Variants in WBP2NL observed in about 807,000 individuals in gnomAD.
WBP2NL encodes the protein postacrosomal sheath WW domain-binding protein.
A neutral mutation model predicts 23.3 loss-of-function variants in WBP2NL; 27 were observed. The observed-to-expected ratio is 1.16, with a 90% CI of 0.85 to 1.60. The LOEUF (loss-of-function observed/expected upper bound fraction) is 1.60. Ranked by LOEUF, WBP2NL falls within the 40% of genes most tolerant of loss-of-function variation. The pLI, the probability that WBP2NL is intolerant of heterozygous loss-of-function variation, is 0.00. For missense variants in WBP2NL, 370 were observed against 389.5 expected, an observed-to-expected ratio of 0.95 and a Z score of 0.42; for synonymous variants, 151 against 145.9, an observed-to-expected ratio of 1.03 and a Z score of -0.25.
intron 1 of WBP2NL, among the ~76,000 whole-genome samples, chr22:42,013,673 G>A (rs1042351804): frequency 9.9e-5 from 15 of 151,852 alleles, no homozygotes; most frequent in Non-Finnish European, 1.3e-4. Flanking sequence ...GCAGTGGCAC[G>A]ATCACAGCTC....
intron 8 of WBP2NL, among the ~76,000 whole-genome samples, chr22:42,054,762 G>A (rs1400368382): frequency 1.3e-5 from 2 of 151,628 alleles, no homozygotes; most frequent in African/African-American, 4.9e-5. Flanking sequence ...AGTGGTTCAT[G>A]CCTCTGATTC....
rs756558193 is a variant in WBP2NL at position 42,022,358 on chromosome 22, T to C, written c.514+2T>C. On this transcript the variant is annotated splice_donor_variant, in intron 5 of 5. Coordinates refer to ENST00000328823, the MANE Select transcript of WBP2NL (RefSeq NM_152613.3). LOFTEE classifies it high-confidence loss of function. ...GCACTCCACAGATGCCTTGTTCAGG[T>C]AAGGTATGGCAGAGAGGTTCTTCCT... is the stretch of plus-strand genomic sequence containing the variant. 1.3e-5 allele frequency: 21 copies of C among 1,609,252 alleles called. No individual in the cohort carries two copies. The highest frequency in any genetic ancestry group is 1.7e-5 in the Non-Finnish European group (20 of 1,177,546).
At chr22:42,031,878 T>C (rs1924970657), downstream of WBP2NL, 1 of 152,130 alleles carries the variant, frequency 6.6e-6, no homozygotes, top group Non-Finnish European at 1.5e-5. Flanking sequence ...GTGTTTTTAG[T>C]GGAGACAGGG....
chr22:42,055,742 A>G (rs1487218460), intron 8 of WBP2NL, among the ~76,000 whole-genome samples: 1 of 152,112 alleles, frequency 6.6e-6, no homozygotes, highest in African/African-American at 2.4e-5. Context: ...AATGTGTAAA[A>G]TTATATCTTT....
rs147012837 is a variant in WBP2NL at position 42,052,313 on chromosome 22, G to A, written c.*274-5977G>A. Among the ~76,000 whole-genome samples, 139 of 152,010 alleles carry A rather than the reference G, an allele frequency of 9.1e-4. 1 individual carries two copies. The Middle Eastern group carries it at 0.017, about 19-fold the overall frequency. ...TCCTCTTTTTTTTGAGATGGAGTCTGGCTCTGTCACCCAGGCTGGAGTACA... is the reference window on the plus strand; with the variant it reads ...TCCTCTTTTTTTTGAGATGGAGTCTAGCTCTGTCACCCAGGCTGGAGTACA... On this transcript the variant is annotated intron_variant and NMD_transcript_variant, in intron 8 of 8. Transcript: ENST00000436265.
intron 5 of WBP2NL, 138 bp from the exon 6 acceptor site, chr22:42,026,628 G>A: frequency 7.3e-7 from 1 of 1,368,492 alleles, no homozygotes; most frequent in Non-Finnish European, 9.9e-7. Flanking sequence ...ATAGCTAGAG[G>A]AAATAGCTTT....
chr22:42,010,390 T>G (rs1049572649), intron 1 of WBP2NL, among the ~76,000 whole-genome samples: 10 of 152,238 alleles, frequency 6.6e-5, no homozygotes, highest in Admixed American at 6.5e-4. Context: ...TTTCTAATCT[T>G]AGAGGGGAAG....
downstream of WBP2NL, among the ~76,000 whole-genome samples, chr22:42,037,419 G>A (rs920673475): frequency 6.6e-6 from 1 of 151,620 alleles, no homozygotes; most frequent in African/African-American, 2.4e-5. Flanking sequence ...AAATTGCTTT[G>A]GCTATTCAGG....
At chr22:42,049,721 AAAAAAAAAAAT>A (rs1569455154) in intron 8 of WBP2NL, among the ~76,000 whole-genome samples, 7 of 149,236 alleles carry the variant, frequency 4.7e-5, no homozygotes, top group African/African-American at 1.5e-4. Context: ...AAAAAAAAAA[AAAAAAAAAAAT>A]AGAACATTTT....
At chr22:42,031,814 G>C (rs1924966262), downstream of WBP2NL, 1 of 151,768 alleles carries the variant, frequency 6.6e-6, no homozygotes, top group Non-Finnish European at 1.5e-5. Flanking sequence ...TCCTGCTTCA[G>C]CCTCCTGAAT....
At chr22:42,054,658 T>C (rs953389610) in intron 8 of WBP2NL, among the ~76,000 whole-genome samples, 2 of 151,906 alleles carry the variant, frequency 1.3e-5, no homozygotes, top group Admixed American at 1.3e-4. Context: ...TATCTAGTTG[T>C]CCCAGTGCCA....
intron 8 of WBP2NL, among the ~76,000 whole-genome samples, chr22:42,043,326 T>C (rs936151500): frequency 6.6e-6 from 1 of 152,200 alleles, no homozygotes; most frequent in African/African-American, 2.4e-5. Flanking sequence ...TTCTCAGCAA[T>C]GCTTCCAGGT....
chr22:42,030,149 A>G (rs979243872), downstream of WBP2NL: 5 of 152,248 alleles, frequency 3.3e-5, no homozygotes, highest in Admixed American at 6.5e-5. Context: ...CATAATCTCC[A>G]AGAAGGAGAG....
downstream of WBP2NL, among the ~76,000 whole-genome samples, chr22:42,037,830 G>GGA (rs553235186): frequency 7.5e-5 from 10 of 133,894 alleles, no homozygotes; most frequent in East Asian, 4.5e-4. Context: ...GGAGGTGCGG[G>GGA]GAGAGAGAGA....
chr22:42,049,737 C>T (rs1316587962), intron 8 of WBP2NL, among the ~76,000 whole-genome samples: 1 of 121,300 alleles, frequency 8.2e-6, no homozygotes, highest in Non-Finnish European at 1.8e-5. Context: ...AAAAATAGAA[C>T]ATTTTGGCTT....
At chr22:42,004,477 C>G (rs1337696783) in intron 1 of WBP2NL, among the ~76,000 whole-genome samples, 1 of 152,044 alleles carries the variant, frequency 6.6e-6, no homozygotes, top group Non-Finnish European at 1.5e-5. Context: ...GCCTGTAGTC[C>G]TAGCTATTTG....
chr22:42,020,866 GTGTATATATATATATATATA>G lies in WBP2NL; in HGVS notation c.406+772_406+791del, dbSNP rs1263618761. Among the ~76,000 whole-genome samples the G allele has an allele frequency of 5.2e-3, 81 of 15,582 alleles. 2 individuals are homozygous for G. Among genetic ancestry groups the G allele is most frequent in the South Asian group, 0.011 (4 of 348 alleles). The allele number at this position is 15,582 out of a possible 152,430, so 10.2% of individuals were successfully genotyped here. On this transcript the variant is annotated intron_variant, in intron 4 of 5. Coordinates refer to ENST00000328823, the MANE Select transcript of WBP2NL (RefSeq NM_152613.3). Reference sequence around the variant, plus strand: ...TTATCTCATATATGTGTGTGTGTGTGTGTATATATATATATATATATATATATATATATATATATATATTT... The same window carrying G: ...TTATCTCATATATGTGTGTGTGTGTGTATATATATATATATATATATATTT...
chr22:42,049,827 T>A (rs1925767752), intron 8 of WBP2NL, among the ~76,000 whole-genome samples: 1 of 149,808 alleles, frequency 6.7e-6, no homozygotes. Flanking sequence ...AAATACAAAA[T>A]TTAGCCAGGC....
At chr22:41,999,303 G>A (rs79995442) in intron 1 of WBP2NL, among the ~76,000 whole-genome samples, 3,834 of 152,312 alleles carry the variant, frequency 0.025, 168 homozygotes, top group African/African-American at 0.087. Context: ...GGTACTGGGT[G>A]TGTATCTCCT....
Sources: gnomAD v4.1 joint callset for allele counts (sites outside exome capture counted in the v4.1 genomes callset) on GRCh38, gnomAD v4.1.1 for gene constraint, MANE v1.5 for transcripts, NCBI Gene and HGNC (gene_info 2026-07-23, HGNC 2026-07-21) for gene names.